USP22: variants seen among roughly 807,000 people sequenced by gnomAD.
The protein encoded by USP22 is ubiquitin specific peptidase 22, also known as ubiquitin carboxyl-terminal hydrolase 22.
USP22 carries 22 observed loss-of-function variants against 68.1 expected under a neutral mutation model. The ratio of observed to expected loss-of-function variants is 0.32; its 90% confidence interval spans 0.23 to 0.46. The LOEUF is 0.46. USP22 is among the 20% of genes least tolerant of loss of function. The probability of loss-of-function intolerance (pLI) is 1.00; values close to 1 mark genes in which losing one functional copy is unlikely to be tolerated. For missense variants in USP22, 433 were observed against 695.8 expected (o/e 0.62, Z 4.25); for synonymous variants, 279 against 274.2 (o/e 1.02, Z -0.17).
rs1042600914 is a variant in USP22, at chr17:21,001,781, A to G, written c.*1250T>C. On this transcript the variant is annotated 3_prime_UTR_variant, in exon 13 of 13. Coordinates refer to ENST00000261497, the MANE Select transcript of USP22 (RefSeq NM_015276.2). ...CCTTGTCCCTAGTTTCTAATTTCTC[A>G]GTGGACAAATGGACAAACCATCTCT... 1 of 152,232 alleles carries G rather than the reference A, an allele frequency of 6.6e-6. No individual in the cohort carries two copies. The highest frequency in any genetic ancestry group is 2.4e-5 in the African/African-American group (1 of 41,458). 9.4% of individuals were successfully genotyped at this position (152,232 alleles called of 1,614,324 possible). A position where few individuals can be genotyped will look rare whatever the true frequency, so the allele number is the denominator to read the frequency against.
rs539588364 is a variant in USP22 at position 21,015,914 on chromosome 17, G to A, written c.691-15C>T. On this transcript the variant is annotated splice_polypyrimidine_tract_variant and intron_variant, in intron 5 of 12. Coordinates refer to ENST00000261497, the MANE Select transcript of USP22 (RefSeq NM_015276.2). ...CCAGAGTAAAACTGCCAGAGGGCGG[G>A]GAAGGAAACCTTGTCAGGAATAAAT... The A allele has an allele frequency of 1.2e-6, 2 of 1,612,848 alleles. No homozygotes were observed. Among genetic ancestry groups the A allele is most frequent in the African/African-American group, 2.7e-5 (2 of 75,002 alleles).
upstream of USP22, chr17:21,043,299 A>ACCCCCCCCCCCCCCCCCCCCCCCCCCC (rs764623373): frequency 8.7e-5 from 1 of 11,524 alleles, no homozygotes; most frequent in Non-Finnish European, 1.5e-4. Flanking sequence ...GTAGTAGGCC[A>ACCCCCCCCCCCCCCCCCCCCCCCCCCC]CCCCCCCCCC....
chr17:21,033,799 A>G (rs939444489), intron 1 of USP22, among the ~76,000 whole-genome samples: 2 of 150,764 alleles, frequency 1.3e-5, no homozygotes, highest in Admixed American at 6.6e-5. Context: ...ACCAGGCTGG[A>G]GTGCAGTGGC....
chr17:21,011,866 C>T (rs1382286536), intron 7 of USP22, among the ~76,000 whole-genome samples: 1 of 152,186 alleles, frequency 6.6e-6, no homozygotes, highest in African/African-American at 2.4e-5. Flanking sequence ...GGATTTAAAT[C>T]TTGAGACAAT....
intron 1 of USP22, among the ~76,000 whole-genome samples, chr17:21,029,509 C>T (rs1972263262): frequency 6.6e-6 from 1 of 152,148 alleles, no homozygotes; most frequent in South Asian, 2.1e-4. Context: ...GACAAAAATA[C>T]AAGATCTTCA....
At chr17:21,024,256 G>C (rs534369914) in intron 2 of USP22, among the ~76,000 whole-genome samples, 10 of 152,224 alleles carry the variant, frequency 6.6e-5, no homozygotes, top group South Asian at 2.1e-4. Context: ...TTACAGTAAG[G>C]CCAAGATATC....
At chr17:21,037,684 A>C (rs1972374685) in intron 1 of USP22, among the ~76,000 whole-genome samples, 1 of 152,262 alleles carries the variant, frequency 6.6e-6, no homozygotes, top group East Asian at 1.9e-4. Flanking sequence ...GTAATGTGGG[A>C]TTCTGAGACA....
chr17:21,023,257 G>A (rs1972179109), intron 2 of USP22, among the ~76,000 whole-genome samples: 1 of 152,212 alleles, frequency 6.6e-6, no homozygotes, highest in Admixed American at 6.5e-5. Flanking sequence ...ATACCCAGGT[G>A]AGGGAATAAA....
chr17:21,002,278 A>G lies in USP22; in HGVS notation c.*753T>C, dbSNP rs567549273. 33 of 152,348 alleles carry G rather than the reference A, an allele frequency of 2.2e-4. No individual in the cohort carries two copies. The highest frequency in any genetic ancestry group is 7.2e-4 in the African/African-American group (30 of 41,578). The allele number at this position is 152,348 out of a possible 1,614,324, so 9.4% of individuals were successfully genotyped here. A position where few individuals can be genotyped will look rare whatever the true frequency, so the allele number is the denominator to read the frequency against. On this transcript the variant is annotated 3_prime_UTR_variant, in exon 13 of 13. Coordinates refer to ENST00000261497, the MANE Select transcript of USP22 (RefSeq NM_015276.2). ...AAAAGCAAGACTCGCTCTTGAGACTAAAGGAGAAGTTACCTAAATTTCTGT... is the reference window on the plus strand; with the variant it reads ...AAAAGCAAGACTCGCTCTTGAGACTGAAGGAGAAGTTACCTAAATTTCTGT...
In USP22 at chr17:21,018,546, T is replaced by G. The variant is rs115906141; in HGVS notation, c.521-435A>C. 2.6e-3 allele frequency among the ~76,000 whole-genome samples: 398 copies of G among 152,106 alleles called. 2 individuals are homozygous for G. Among genetic ancestry groups the G allele is most frequent in the African/African-American group, 9.1e-3 (379 of 41,494 alleles). ...CCTGGGCAACATGGTGAGATGTCTC[T>G]ACGCAAAACACAAAAATTATCCAAA... On this transcript the variant is annotated intron_variant, in intron 4 of 12. Coordinates refer to ENST00000261497, the MANE Select transcript of USP22 (RefSeq NM_015276.2).
chr17:21,030,814 C>T (rs2127096), intron 1 of USP22, among the ~76,000 whole-genome samples: 51,641 of 152,064 alleles, frequency 0.34, 9,360 homozygotes, highest in African/African-American at 0.44. Flanking sequence ...GAATCCTATA[C>T]GCCAATTTTT....
chr17:21,042,765 G>C lies in USP22; in HGVS notation c.71C>G (p.Ser24Trp), dbSNP rs1232745287. The change falls in exon 1 of 13, where the codon TCG becomes TGG. Residue 24 changes from serine (S) to tryptophan (W), a missense_variant. Physicochemically the swap from Ser to Trp is radical, Grantham distance 177. Transcript: ENST00000261497. ...AELAVAPPGC[S>W]HLGSFKVDNW... Reference sequence around the variant, plus strand: ...GTCCACCTTGAAGCTGCCCAGGTGCGAGCAGCCCGGCGGCGCTACCGCCAG... The same window carrying C: ...GTCCACCTTGAAGCTGCCCAGGTGCCAGCAGCCCGGCGGCGCTACCGCCAG... 6.7e-7 allele frequency: 1 copy of C among 1,497,506 alleles called. No individual in the cohort carries two copies. The highest frequency in any genetic ancestry group is 8.9e-7 in the Non-Finnish European group (1 of 1,125,598). The allele number at this position is 1,497,506 out of a possible 1,614,324, so 92.8% of individuals were successfully genotyped here.
At chr17:21,020,571 A>T (rs1036902770) in intron 3 of USP22, among the ~76,000 whole-genome samples, 3 of 152,202 alleles carry the variant, frequency 2.0e-5, no homozygotes, top group African/African-American at 7.2e-5. Context: ...AACATCACCC[A>T]AACAGTCCAG....
Position 21,011,318 on chromosome 17 carries a change from A to AGAGGGAAAACAATGGCTG in USP22, c.945-27_945-10dup. 1 of 1,553,338 alleles carries AGAGGGAAAACAATGGCTG rather than the reference A, an allele frequency of 6.4e-7. No individual in the cohort carries two copies. Among genetic ancestry groups the AGAGGGAAAACAATGGCTG allele is most frequent in the Non-Finnish European group, 8.7e-7 (1 of 1,147,858 alleles). On this transcript the variant is annotated splice_polypyrimidine_tract_variant and intron_variant, in intron 7 of 12. Coordinates refer to ENST00000261497, the MANE Select transcript of USP22 (RefSeq NM_015276.2). ...TGGTGGTGGAGACTCCACTGGAAGCAGAGGGAAAACAATGGCTGTGAGGAC... is the reference window on the plus strand; with the variant it reads ...TGGTGGTGGAGACTCCACTGGAAGCAGAGGGAAAACAATGGCTGGAGGGAAAACAATGGCTGTGAGGAC...
At chr17:21,022,671 C>T (rs987702385) in intron 2 of USP22, among the ~76,000 whole-genome samples, 12 of 152,032 alleles carry the variant, frequency 7.9e-5, no homozygotes, top group African/African-American at 2.9e-4. Context: ...TGGTGGCAGG[C>T]ACCTATAGTC....
intron 7 of USP22, 152 bp from the exon 8 acceptor site, chr17:21,011,461 G>A (rs1322626548): frequency 7.9e-6 from 8 of 1,009,098 alleles, no homozygotes; most frequent in Non-Finnish European, 1.2e-5. Context: ...AAGAGCAGCA[G>A]TGCTCACACC....
intron 2 of USP22, among the ~76,000 whole-genome samples, chr17:21,022,531 G>A (rs1481394517): frequency 6.6e-6 from 1 of 152,178 alleles, no homozygotes; most frequent in African/African-American, 2.4e-5. Context: ...CGGGTGTGGT[G>A]GTTCACGCCT....
intron 1 of USP22, 76 bp downstream of exon 1, chr17:21,042,589 A>G: frequency 1.6e-6 from 2 of 1,246,856 alleles, no homozygotes; most frequent in Non-Finnish European, 1.0e-6. Flanking sequence ...AGGGCAGGAA[A>G]AGGGCCCCTC....
chr17:21,004,136 T>C, intron 12 of USP22, 66 bp downstream of exon 12: 2 of 1,578,446 alleles, frequency 1.3e-6, no homozygotes, highest in Non-Finnish European at 1.7e-6. Context: ...TGGGCTAGTC[T>C]CAGCTATACC....
Sources: gnomAD v4.1 joint callset for allele counts (sites outside exome capture counted in the v4.1 genomes callset) on GRCh38, gnomAD v4.1.1 for gene constraint, MANE v1.5 for transcripts, NCBI Gene and HGNC (gene_info 2026-07-23, HGNC 2026-07-21) for gene names.